MYH7B: variants seen among roughly 807,000 people sequenced by gnomAD.
The protein encoded by MYH7B is myosin-7B.
Under a neutral mutation model 234.5 loss-of-function variants are expected in MYH7B, and 205 were observed. The ratio of observed to expected loss-of-function variants is 0.87; its 90% confidence interval spans 0.78 to 0.98. The LOEUF (loss-of-function observed/expected upper bound fraction) is 0.98, where lower values mean the gene tolerates loss of function less well. MYH7B is among the 50% of genes least tolerant of loss of function. MYH7B has a pLI of 0.00. For synonymous variants in MYH7B, 1,193 were observed against 1,105.0 expected (o/e 1.08, Z -1.58); for missense variants, 2,652 against 2,633.4 (o/e 1.01, Z -0.15).
In MYH7B at chr20:35,001,238, C is replaced by T. The variant is rs371822476; in HGVS notation, c.5476-7C>T. The T allele has an allele frequency of 5.6e-6, 9 of 1,608,442 alleles. No individual in the cohort carries two copies. The African/African-American group carries it at 1.2e-4, about 21-fold the overall frequency. On this transcript the variant is annotated splice_region_variant and splice_polypyrimidine_tract_variant and intron_variant, in intron 41 of 44. Coordinates refer to ENST00000262873, the Ensembl canonical transcript of MYH7B. Reference sequence around the variant, plus strand: ...GGCTTGGCATCAGGCTGTCCCCCTGCCTGCAGGTACGGGAGCTGGAGGCTG... The same window carrying T: ...GGCTTGGCATCAGGCTGTCCCCCTGTCTGCAGGTACGGGAGCTGGAGGCTG...
At chr20:34,975,475 A>G in exon 3 of MYH7B, 1 of 711,978 alleles carries the variant, frequency 1.4e-6, no homozygotes, top group Non-Finnish European at 2.6e-6. Flanking sequence ...TGGGCCTCCC[A>G]AAGTGCTGGA....
At chr20:34,981,057 T>A (rs146237112) in exon 9 of MYH7B, 190 of 1,613,980 alleles carry the variant, frequency 1.2e-4, no homozygotes, top group Non-Finnish European at 1.5e-4. Flanking sequence ...TCCATGCTGA[T>A]CACGTGAGTG....
exon 32 of MYH7B, chr20:34,997,380 G>C: frequency 6.6e-7 from 1 of 1,520,106 alleles, no homozygotes; most frequent in Non-Finnish European, 8.8e-7. Flanking sequence ...GGCAGGCGGC[G>C]CATCCGCGGG....
chr20:34,980,806 C>T lies in MYH7B; in HGVS notation c.499+72C>T, dbSNP rs944658703. The T allele has an allele frequency of 1.5e-5, 24 of 1,581,352 alleles. No individual in the cohort carries two copies. The African/African-American group carries it at 2.8e-4, about 19-fold the overall frequency. ...TCCCGGGAGGCCTCTGTAAGGGACC[C>T]CCTTCCCCCACTGGCACTGCCCCCC... On this transcript the variant is annotated intron_variant, in intron 8 of 44. Transcript: ENST00000262873.
At chr20:34,959,540 C>T (rs907473858) in intron 2 of MYH7B, among the ~76,000 whole-genome samples, 2 of 151,124 alleles carry the variant, frequency 1.3e-5, no homozygotes, top group South Asian at 2.1e-4. Flanking sequence ...TGCAGTGGCA[C>T]GATCTTGGCT....
At chr20:34,972,406 C>T (rs973258006) in intron 2 of MYH7B, among the ~76,000 whole-genome samples, 4 of 152,056 alleles carry the variant, frequency 2.6e-5, no homozygotes, top group African/African-American at 9.7e-5. Context: ...GTCTCACCTT[C>T]AGTATCGCCT....
intron 31 of MYH7B, 23 bp from the exon 32 acceptor site, chr20:34,997,228 G>C (rs748050916): frequency 6.4e-7 from 1 of 1,555,688 alleles, no homozygotes; most frequent in African/African-American, 1.4e-5. Context: ...AGAGGTGACA[G>C]CTGCCCCACG....
At chr20:34,983,468 G>A (rs745393518) in intron 10 of MYH7B, among the ~76,000 whole-genome samples, 13 of 151,744 alleles carry the variant, frequency 8.6e-5, no homozygotes, top group Admixed American at 1.3e-4. Context: ...CTCTGGGGAC[G>A]TAACAGAAAG....
chr20:34,999,599 G>A, exon 37 of MYH7B: 2 of 1,612,962 alleles, frequency 1.2e-6, no homozygotes, highest in South Asian at 1.1e-5. Context: ...CAGACCAGGT[G>A]AGTCTCAGTG....
In MYH7B at chr20:34,999,405, G is replaced by T; in HGVS notation, c.4540G>T (p.Glu1514Ter). ...CAAGCGGGAGAACAAGAACCTGCAG[G>T]GTAGGACCTGCCACACGCCAGGGCC... The change falls in exon 36 of 45, where the codon GAG becomes TAG. Residue 1514 changes from glutamate (E) to a stop codon, truncating the protein, a stop_gained and splice_region_variant. Transcript: ENST00000262873. LOFTEE classifies it high-confidence loss of function. The T allele has an allele frequency of 6.6e-7, 1 of 1,511,200 alleles. No homozygotes were observed. Among genetic ancestry groups the T allele is most frequent in the Non-Finnish European group, 8.8e-7 (1 of 1,130,142 alleles). The allele number at this position is 1,511,200 out of a possible 1,614,324, so 93.6% of individuals were successfully genotyped here. A position where few individuals can be genotyped will look rare whatever the true frequency, so the allele number is the denominator to read the frequency against.
chr20:34,977,091 T>C (rs2081866346), intron 3 of MYH7B, among the ~76,000 whole-genome samples: 1 of 147,936 alleles, frequency 6.8e-6, no homozygotes. Flanking sequence ...TCCTTCTCTT[T>C]TTGATCTGTT....
chr20:34,979,685 C>CTGCA lies in MYH7B; in HGVS notation c.224_227dup (p.Gln76HisfsTer109), dbSNP rs780571578. Reference sequence around the variant, plus strand: ...GGTGCTGATGGTGCGTGAAGCCGAGCTGCAGCCCATGAACCCGCCTCGCTT... The same window carrying CTGCA: ...GGTGCTGATGGTGCGTGAAGCCGAGCTGCATGCAGCCCATGAACCCGCCTCGCTT... On this transcript the variant is annotated frameshift_variant, in exon 7 of 45. Coordinates refer to ENST00000262873, the Ensembl canonical transcript of MYH7B. LOFTEE classifies it high-confidence loss of function. 6 of 1,614,192 alleles carry CTGCA rather than the reference C, an allele frequency of 3.7e-6. No homozygotes were observed. Among genetic ancestry groups the CTGCA allele is most frequent in the African/African-American group, 1.3e-5 (1 of 75,070 alleles).
exon 38 of MYH7B, chr20:34,999,824 C>A: frequency 2.0e-6 from 3 of 1,480,042 alleles, no homozygotes; most frequent in Non-Finnish European, 2.7e-6. Flanking sequence ...CAAGACGCTG[C>A]GGATCCAGCT....
intron 2 of MYH7B, among the ~76,000 whole-genome samples, chr20:34,971,863 T>C (rs2081796326): frequency 6.6e-6 from 1 of 152,214 alleles, no homozygotes; most frequent in Admixed American, 6.5e-5. Flanking sequence ...CAGATCTGAA[T>C]CTGGCCTTTG....
In MYH7B at chr20:34,981,068, T is replaced by C; in HGVS notation, c.527+8T>C. Reference sequence around the variant, plus strand: ...CCAGTCCATGCTGATCACGTGAGTGTGGGGCTCTGGGGGTGGGGTGGAAAA... The same window carrying C: ...CCAGTCCATGCTGATCACGTGAGTGCGGGGCTCTGGGGGTGGGGTGGAAAA... On this transcript the variant is annotated splice_region_variant and intron_variant, in intron 9 of 44. Coordinates refer to ENST00000262873, the Ensembl canonical transcript of MYH7B. 2 of 1,613,476 alleles carry C rather than the reference T, an allele frequency of 1.2e-6. No individual in the cohort carries two copies. Among genetic ancestry groups the C allele is most frequent in the South Asian group, 1.1e-5 (1 of 90,998 alleles).
At chr20:35,001,248 C>G in exon 42 of MYH7B, 1 of 1,609,726 alleles carries the variant, frequency 6.2e-7, no homozygotes, top group Non-Finnish European at 8.5e-7. Context: ...CCTGCAGGTA[C>G]GGGAGCTGGA....
At chr20:34,983,185 C>T (rs2081963944) in intron 10 of MYH7B, among the ~76,000 whole-genome samples, 1 of 152,164 alleles carries the variant, frequency 6.6e-6, no homozygotes, top group African/African-American at 2.4e-5. Flanking sequence ...CCACCCAGTC[C>T]CTGCTCCTGG....
At chr20:35,000,579 G>C in exon 39 of MYH7B, 1 of 1,569,628 alleles carries the variant, frequency 6.4e-7, no homozygotes, top group Non-Finnish European at 8.6e-7. Context: ...GCTGCTGGCT[G>C]CGGAGCTGGA....
exon 12 of MYH7B, chr20:34,984,859 C>G (rs752263635): frequency 6.2e-7 from 1 of 1,613,948 alleles, no homozygotes; most frequent in South Asian, 1.1e-5. Flanking sequence ...CCCAGGGCAC[C>G]CTTGAGGATC....
Sources: allele counts gnomAD v4.1 joint callset (sites outside exome capture counted in the v4.1 genomes callset), GRCh38; gene constraint gnomAD v4.1.1; transcripts MANE v1.5; gene names NCBI Gene and HGNC (gene_info 2026-07-23, HGNC 2026-07-21).